DRC11: variants seen among roughly 807,000 people sequenced by gnomAD.
The protein encoded by DRC11 is dynein regulatory complex subunit 11, also known as IQ and AAA domain-containing protein 1.
At chr2:236,448,576 T>C in the DRC11 span, among the ~76,000 whole-genome samples, 4 of 151,944 alleles carry the variant, frequency 2.6e-5, no homozygotes, top group African/African-American at 9.7e-5. This position sits in a 1 kb window ranked among gnomAD's most constrained non-coding sequence, Gnocchi z 5.3. Context: ...GCTCAAGTGA[T>C]CTGCCTGCCT....
At chr2:236,451,065 C>T in the DRC11 span, among the ~76,000 whole-genome samples, 1 of 152,196 alleles carries the variant, frequency 6.6e-6, no homozygotes, top group African/African-American at 2.4e-5. Context: ...CCTTTTAACA[C>T]TCATAGACTT....
At chr2:236,479,091 C>G in the DRC11 span, among the ~76,000 whole-genome samples, 1 of 152,186 alleles carries the variant, frequency 6.6e-6, no homozygotes, top group Non-Finnish European at 1.5e-5. The surrounding 1 kb of genome is among the most constrained non-coding windows in gnomAD (Gnocchi z 4.1). Context: ...TCCCAAAGTG[C>G]TGGGATTACA....
chr2:236,429,498 GC>G, the DRC11 span, among the ~76,000 whole-genome samples: 1 of 152,142 alleles, frequency 6.6e-6, no homozygotes, highest in East Asian at 1.9e-4. This position sits in a 1 kb window ranked among gnomAD's most constrained non-coding sequence, Gnocchi z 5.9. Flanking sequence ...AGTTGTGGGG[GC>G]CAGGCTAGCA....
chr2:236,350,024 TG>T, the DRC11 span, among the ~76,000 whole-genome samples: 1 of 152,352 alleles, frequency 6.6e-6, no homozygotes, highest in East Asian at 1.9e-4. This position sits in a 1 kb window ranked among gnomAD's most constrained non-coding sequence, Gnocchi z 5.2. Flanking sequence ...TCAACCCAGA[TG>T]GGAATTGCAG....
chr2:236,342,726 G>C, the DRC11 span, among the ~76,000 whole-genome samples: 4 of 152,190 alleles, frequency 2.6e-5, no homozygotes, highest in Non-Finnish European at 5.9e-5. The surrounding 1 kb of genome is among the most constrained non-coding windows in gnomAD (Gnocchi z 5.8). Context: ...AAATACTGGG[G>C]GTGGGAGGTG....
At chr2:236,456,570 A>G in the DRC11 span, among the ~76,000 whole-genome samples, 1 of 152,150 alleles carries the variant, frequency 6.6e-6, no homozygotes, top group Non-Finnish European at 1.5e-5. The surrounding 1 kb of genome is among the most constrained non-coding windows in gnomAD (Gnocchi z 5.4). Flanking sequence ...CTTCTGACTG[A>G]TTATGTGTTG....
At chr2:236,392,026 C>T in the DRC11 span, 4 of 1,614,022 alleles carry the variant, frequency 2.5e-6, no homozygotes, top group Admixed American at 6.7e-5. This position sits in a 1 kb window ranked among gnomAD's most constrained non-coding sequence, Gnocchi z 5.1. Flanking sequence ...TCTCTGTCCA[C>T]AGCTAGCTTT....
At chr2:236,380,896 G>A in the DRC11 span, among the ~76,000 whole-genome samples, 1 of 152,186 alleles carries the variant, frequency 6.6e-6, no homozygotes, top group Non-Finnish European at 1.5e-5. This position sits in a 1 kb window ranked among gnomAD's most constrained non-coding sequence, Gnocchi z 4.9. Context: ...TTCCAAACAG[G>A]GAAGAGCATT....
chr2:236,327,317 C>T, the DRC11 span, among the ~76,000 whole-genome samples: 2 of 152,178 alleles, frequency 1.3e-5, no homozygotes, highest in Non-Finnish European at 2.9e-5. Flanking sequence ...AGTGCAGTGG[C>T]ACGATCTTGG....
chr2:236,349,740 G>A, the DRC11 span, among the ~76,000 whole-genome samples: 7 of 152,164 alleles, frequency 4.6e-5, no homozygotes, highest in Admixed American at 4.6e-4. This position sits in a 1 kb window ranked among gnomAD's most constrained non-coding sequence, Gnocchi z 5.5. Context: ...AAGGTTTGGA[G>A]GAGGAAAATG....
the DRC11 span, among the ~76,000 whole-genome samples, chr2:236,402,576 G>A: frequency 1.3e-5 from 2 of 152,176 alleles, no homozygotes; most frequent in Non-Finnish European, 2.9e-5. The surrounding 1 kb of genome is among the most constrained non-coding windows in gnomAD (Gnocchi z 6.0). Flanking sequence ...GCCTGGAACC[G>A]CAGCCCATAA....
chr2:236,341,210 T>A, the DRC11 span, among the ~76,000 whole-genome samples: 23 of 152,220 alleles, frequency 1.5e-4, no homozygotes, highest in Non-Finnish European at 7.3e-5. Context: ...TATCGTGATG[T>A]CAGGGAGGCG....
At chr2:236,360,380 G>A in the DRC11 span, among the ~76,000 whole-genome samples, 26,589 of 152,140 alleles carry the variant, frequency 0.17, 2,633 homozygotes, top group Non-Finnish European at 0.23. This position sits in a 1 kb window ranked among gnomAD's most constrained non-coding sequence, Gnocchi z 5.8. Flanking sequence ...GAGTTAATAC[G>A]TAGTGATGTA....
At chr2:236,346,194 G>A in the DRC11 span, among the ~76,000 whole-genome samples, 1 of 152,202 alleles carries the variant, frequency 6.6e-6, no homozygotes, top group Non-Finnish European at 1.5e-5. Context: ...GAGCCAGTGT[G>A]GTGTGATAAC....
chr2:236,481,842 ATAT>A, the DRC11 span, among the ~76,000 whole-genome samples: 2 of 150,816 alleles, frequency 1.3e-5, no homozygotes, highest in Non-Finnish European at 1.5e-5. Flanking sequence ...AGAATTATAC[ATAT>A]TATATGTATA....
the DRC11 span, among the ~76,000 whole-genome samples, chr2:236,395,988 A>G: frequency 1.3e-5 from 2 of 152,226 alleles, no homozygotes; most frequent in Non-Finnish European, 2.9e-5. Flanking sequence ...GGTAGAACAC[A>G]TTCTCATTCT....
chr2:236,442,185 T>C, the DRC11 span, among the ~76,000 whole-genome samples: 1 of 152,206 alleles, frequency 6.6e-6, no homozygotes, highest in Non-Finnish European at 1.5e-5. Context: ...CATTATATGT[T>C]AACATAAATA....
the DRC11 span, among the ~76,000 whole-genome samples, chr2:236,366,074 C>A: frequency 2.0e-5 from 3 of 152,176 alleles, no homozygotes; most frequent in African/African-American, 4.8e-5. Context: ...AGGGGTCTGG[C>A]AGGAGATGAA....
At chr2:236,472,167 C>G in the DRC11 span, among the ~76,000 whole-genome samples, 1 of 152,166 alleles carries the variant, frequency 6.6e-6, no homozygotes, top group East Asian at 1.9e-4. This position sits in a 1 kb window ranked among gnomAD's most constrained non-coding sequence, Gnocchi z 4.6. Flanking sequence ...TGCTTCCAGG[C>G]GTCCTTCTTG....
Sources: allele counts gnomAD v4.1 joint callset (sites outside exome capture counted in the v4.1 genomes callset), GRCh38; gene constraint gnomAD v4.1.1; non-coding constraint Gnocchi (gnomAD v3.1); transcripts MANE v1.5; gene names NCBI Gene and HGNC (gene_info 2026-07-23, HGNC 2026-07-21).